Variants in NAV3 observed in about 807,000 individuals in gnomAD.
The protein encoded by NAV3 is neuron navigator 3.
Under a neutral mutation model 244.7 loss-of-function variants are expected in NAV3, and 87 were observed. The observed-to-expected ratio is 0.36, with a 90% CI of 0.30 to 0.42. The LOEUF (loss-of-function observed/expected upper bound fraction) is 0.42. Ranked by LOEUF, NAV3 falls within the 20% of genes least tolerant of loss-of-function variation. The pLI, the probability that NAV3 is intolerant of heterozygous loss-of-function variation, is 1.00. For synonymous variants in NAV3, 1,126 were observed against 1,042.2 expected, an observed-to-expected ratio of 1.08 and a Z score of -1.55; for missense variants, 2,663 against 2,893.3, an observed-to-expected ratio of 0.92 and a Z score of 1.83.
intron 6 of NAV3, among the ~76,000 whole-genome samples, chr12:77,997,174 G>A (rs1311463755): frequency 6.8e-6 from 1 of 146,610 alleles, no homozygotes; most frequent in African/African-American, 2.5e-5. Context: ...GGAGGCAAAG[G>A]TTGCAGTGGG....
At chr12:78,171,184 T>C (rs1483706558) in intron 24 of NAV3, among the ~76,000 whole-genome samples, 2 of 151,716 alleles carry the variant, frequency 1.3e-5, no homozygotes, top group Non-Finnish European at 3.0e-5. Flanking sequence ...CAACTTTCCA[T>C]GTGGGGGAGT....
intron 2 of NAV3, among the ~76,000 whole-genome samples, chr12:77,681,235 A>T (rs567926098): frequency 2.6e-5 from 4 of 152,350 alleles, no homozygotes; most frequent in Admixed American, 2.0e-4. Flanking sequence ...TAAAATTAAA[A>T]GTCATGTTAA....
chr12:77,951,223 G>GA (rs1210386647), intron 3 of NAV3, among the ~76,000 whole-genome samples: 2 of 151,956 alleles, frequency 1.3e-5, no homozygotes, highest in South Asian at 2.1e-4. Flanking sequence ...AAATTTACAA[G>GA]AAAAAAACAA....
In NAV3 at chr12:78,072,266, C is replaced by A. The variant is rs1403274745; in HGVS notation, c.2636+13151C>A. ...CCAGGAGCTGGTTTTTTGAAAGGAT[C>A]AACAAAATTGATAGACCGCTAGCAA... On this transcript the variant is annotated intron_variant, in intron 12 of 39. Coordinates refer to ENST00000397909, the MANE Select transcript of NAV3 (RefSeq NM_001024383.2). 7.5e-3 allele frequency among the ~76,000 whole-genome samples: 1,091 copies of A among 145,890 alleles called. 15 individuals are homozygous for A. The highest frequency in any genetic ancestry group is 0.026 in the African/African-American group (1,028 of 39,366).
chr12:77,908,060 A>G (rs1886181612), intron 1 of NAV3, among the ~76,000 whole-genome samples: 1 of 152,130 alleles, frequency 6.6e-6, no homozygotes, highest in Admixed American at 6.6e-5. Context: ...TAGATACTAT[A>G]GAGTTGTGGT....
intron 2 of NAV3, among the ~76,000 whole-genome samples, chr12:77,718,620 G>A (rs59868474): frequency 0.025 from 3,794 of 148,848 alleles, 88 homozygotes; most frequent in African/African-American, 0.065. Context: ...GGATTTTGAT[G>A]GAGATTTATT....
chr12:78,075,290 G>T (rs531730449), intron 12 of NAV3, among the ~76,000 whole-genome samples: 18 of 152,152 alleles, frequency 1.2e-4, no homozygotes, highest in Non-Finnish European at 2.5e-4. Context: ...CCATCGGTTG[G>T]TTGTGTGGGT....
At chr12:78,117,576 T>C (rs1955476444) in intron 13 of NAV3, among the ~76,000 whole-genome samples, 1 of 150,286 alleles carries the variant, frequency 6.7e-6, no homozygotes. Context: ...TCAGAAAGAT[T>C]TATGTTGCCA....
At chr12:77,869,074 T>G (rs1269024370) in intron 1 of NAV3, among the ~76,000 whole-genome samples, 1 of 150,846 alleles carries the variant, frequency 6.6e-6, no homozygotes, top group African/African-American at 2.4e-5. Context: ...AACAAAACTT[T>G]AGAATGCTCT....
intron 2 of NAV3, among the ~76,000 whole-genome samples, chr12:77,607,387 G>A (rs866767436): frequency 1.3e-5 from 2 of 152,056 alleles, no homozygotes; most frequent in African/African-American, 2.4e-5. Flanking sequence ...ATGGGAAGAT[G>A]ACTGAACAAC....
chr12:78,144,994 G>A (rs1235955795), intron 20 of NAV3: 3 of 229,368 alleles, frequency 1.3e-5, no homozygotes, highest in Non-Finnish European at 2.7e-5. Flanking sequence ...CAAAGTACTA[G>A]GGAAAACTAA....
intron 2 of NAV3, among the ~76,000 whole-genome samples, chr12:77,766,735 G>GTTTGTTTTTTTTTTTTTTTGTTTTTT (rs1555202961): frequency 1.7e-5 from 1 of 60,516 alleles, no homozygotes; most frequent in African/African-American, 6.3e-5. Context: ...AGGCAATTAA[G>GTTTGTTTTTTTTTTTTTTTGTTTTTT]TTTTTTTTTT....
chr12:78,078,735 C>T (rs928019915), intron 12 of NAV3, among the ~76,000 whole-genome samples: 9 of 152,048 alleles, frequency 5.9e-5, no homozygotes, highest in Non-Finnish European at 1.2e-4. Context: ...GCTTCTCTCT[C>T]AATAACCTCA....
At chr12:77,683,537 G>A (rs764864772) in intron 2 of NAV3, among the ~76,000 whole-genome samples, 19 of 152,032 alleles carry the variant, frequency 1.2e-4, no homozygotes, top group Non-Finnish European at 2.1e-4. Flanking sequence ...TTTTAGGATT[G>A]GTTTTTATAT....
At chr12:77,690,490 T>A (rs1322723912) in intron 2 of NAV3, among the ~76,000 whole-genome samples, 2 of 151,788 alleles carry the variant, frequency 1.3e-5, no homozygotes, top group Non-Finnish European at 3.0e-5. Flanking sequence ...AAATATGTTT[T>A]AAATTTCTAA....
rs1593144740 is a variant in NAV3 at position 77,966,719 on chromosome 12, A to T, written c.487+418A>T. Among the ~76,000 whole-genome samples, 4 of 152,210 alleles carry T rather than the reference A, an allele frequency of 2.6e-5. No individual in the cohort carries two copies. In the East Asian group the frequency reaches 7.7e-4, roughly 29 times the overall value. On this transcript the variant is annotated intron_variant, in intron 4 of 39. Coordinates refer to ENST00000397909, the MANE Select transcript of NAV3 (RefSeq NM_001024383.2). The stretch of plus-strand genomic sequence containing the variant: ...TTCTATAATATATTCAAGTTGGTAG[A>T]AATAGTCAAAATAGTTGGTAAGTTT...
At chr12:78,096,046 T>C (rs1371803910) in intron 12 of NAV3, among the ~76,000 whole-genome samples, 1 of 152,198 alleles carries the variant, frequency 6.6e-6, no homozygotes, top group Non-Finnish European at 1.5e-5. Context: ...TTTTGACTCA[T>C]GTTAGCCCAA....
chr12:77,977,176 A>G (rs970867396), intron 5 of NAV3, among the ~76,000 whole-genome samples: 7 of 152,120 alleles, frequency 4.6e-5, no homozygotes, highest in Admixed American at 1.3e-4. Context: ...TAACTGACTT[A>G]CCGCTTTTGC....
intron 2 of NAV3, among the ~76,000 whole-genome samples, chr12:77,721,870 A>G (rs1258978242): frequency 6.6e-6 from 1 of 152,096 alleles, no homozygotes; most frequent in Non-Finnish European, 1.5e-5. Context: ...TATGAATTGA[A>G]TCAAGAAGCC....
Sources: gnomAD v4.1 joint callset for allele counts (sites outside exome capture counted in the v4.1 genomes callset) on GRCh38, gnomAD v4.1.1 for gene constraint, MANE v1.5 for transcripts, NCBI Gene and HGNC (gene_info 2026-07-23, HGNC 2026-07-21) for gene names.